ANTXR1: variants seen among roughly 807,000 people sequenced by gnomAD.
ANTXR1 encodes anthrax toxin receptor 1.
Under a neutral mutation model 78.1 loss-of-function variants are expected in ANTXR1, and 19 were observed. The ratio of observed to expected loss-of-function variants is 0.24; its 90% CI spans 0.17 to 0.36. The LOEUF (loss-of-function observed/expected upper bound fraction) is 0.36, where lower values mean the gene tolerates loss of function less well. ANTXR1 is among the 10% of genes least tolerant of loss of function. ANTXR1 has a pLI of 1.00. For synonymous variants in ANTXR1, 273 were observed against 260.5 expected, an observed-to-expected ratio of 1.05 and a Z score of -0.46; for missense variants, 518 against 718.6, an observed-to-expected ratio of 0.72 and a Z score of 3.19.
intron 12 of ANTXR1, among the ~76,000 whole-genome samples, chr2:69,128,123 C>T (rs904667260): frequency 6.6e-6 from 1 of 151,880 alleles, no homozygotes; most frequent in Non-Finnish European, 1.5e-5. Flanking sequence ...ACTTTGGAGG[C>T]TGAGGCAGGA....
chr2:69,076,865 A>G (rs912452213), intron 7 of ANTXR1, among the ~76,000 whole-genome samples: 7 of 152,206 alleles, frequency 4.6e-5, no homozygotes, highest in Non-Finnish European at 8.8e-5. Flanking sequence ...CAAGCCCTAC[A>G]TCGGCTTCTC....
chr2:69,222,771 T>C (rs900227742), intron 17 of ANTXR1, among the ~76,000 whole-genome samples: 1 of 152,316 alleles, frequency 6.6e-6, no homozygotes, highest in Admixed American at 6.5e-5. Flanking sequence ...CAGAGGACTC[T>C]TCTCATTCAC....
intron 9 of ANTXR1, among the ~76,000 whole-genome samples, chr2:69,101,319 C>T (rs1455724645): frequency 1.3e-5 from 2 of 152,212 alleles, no homozygotes; most frequent in African/African-American, 2.4e-5. Context: ...TCCCCCTTTT[C>T]GCATGGTGGT....
Position 69,166,050 on chromosome 2 carries a change from C to G in ANTXR1, c.1048-4198C>G, listed in dbSNP as rs186968453. On this transcript the variant is annotated intron_variant, in intron 13 of 17. Transcript: ENST00000303714. The stretch of plus-strand genomic sequence containing the variant: ...AGGCATGAAACAGGCCCTGAGAACA[C>G]GCAATCTTTCTACTCTATTCGTACT... Among the ~76,000 whole-genome samples, 11 of 152,290 alleles carry G rather than the reference C, an allele frequency of 7.2e-5. No individual in the cohort carries two copies. In the East Asian group the frequency reaches 1.4e-3, roughly 19 times the overall value.
intron 13 of ANTXR1, among the ~76,000 whole-genome samples, chr2:69,160,211 A>G (rs577872653): frequency 1.3e-5 from 2 of 152,164 alleles, no homozygotes; most frequent in Non-Finnish European, 2.9e-5. Context: ...TCTGGAGGGC[A>G]GGTACACCAC....
At chr2:69,191,197 T>C (rs1674535722) in intron 16 of ANTXR1, among the ~76,000 whole-genome samples, 1 of 152,228 alleles carries the variant, frequency 6.6e-6, no homozygotes, top group East Asian at 1.9e-4. Flanking sequence ...TTCAAGGCGT[T>C]TGTAAATTCC....
At chr2:69,205,534 A>G (rs919818058) in intron 17 of ANTXR1, among the ~76,000 whole-genome samples, 1 of 151,938 alleles carries the variant, frequency 6.6e-6, no homozygotes. Flanking sequence ...ATTTTAACCA[A>G]TACTGACTTT....
At chr2:69,160,277 T>C (rs1233626254) in intron 13 of ANTXR1, among the ~76,000 whole-genome samples, 1 of 152,206 alleles carries the variant, frequency 6.6e-6, no homozygotes, top group Non-Finnish European at 1.5e-5. Flanking sequence ...CTTTGTGGGC[T>C]GCCTGATAAC....
At chr2:69,089,325 T>C (rs1489234781) in intron 8 of ANTXR1, among the ~76,000 whole-genome samples, 1 of 152,244 alleles carries the variant, frequency 6.6e-6, no homozygotes, top group East Asian at 1.9e-4. Flanking sequence ...TGTTTGTTCA[T>C]TTTCTTTCGC....
At chr2:69,117,327 C>T (rs985397822) in intron 10 of ANTXR1, among the ~76,000 whole-genome samples, 3 of 152,202 alleles carry the variant, frequency 2.0e-5, no homozygotes, top group African/African-American at 7.2e-5. Context: ...ACAAGTGGTG[C>T]AGCACTAACT....
intron 1 of ANTXR1, among the ~76,000 whole-genome samples, chr2:69,024,007 CAA>C (rs1469381349): frequency 6.6e-6 from 1 of 152,078 alleles, no homozygotes; most frequent in African/African-American, 2.4e-5. Context: ...TTTCTAAGGA[CAA>C]AAGTGTCAAG....
chr2:69,234,599 T>C (rs1675705496), intron 17 of ANTXR1, among the ~76,000 whole-genome samples: 1 of 151,850 alleles, frequency 6.6e-6, no homozygotes, highest in South Asian at 2.1e-4. Context: ...TGAAAACCCA[T>C]CTCTACTAAA....
chr2:69,155,707 T>C (rs1673501931), intron 13 of ANTXR1, among the ~76,000 whole-genome samples: 1 of 151,962 alleles, frequency 6.6e-6, no homozygotes, highest in South Asian at 2.1e-4. Context: ...CACTAAAAAG[T>C]TGTAGAAAAT....
chr2:69,159,001 A>G (rs774921867), intron 13 of ANTXR1, among the ~76,000 whole-genome samples: 8 of 152,208 alleles, frequency 5.3e-5, no homozygotes, highest in Admixed American at 2.0e-4. Context: ...AAATCAAACT[A>G]AAAACCTAAG....
intron 3 of ANTXR1, among the ~76,000 whole-genome samples, chr2:69,060,657 C>T (rs972877800): frequency 2.0e-5 from 3 of 152,156 alleles, no homozygotes; most frequent in African/African-American, 7.2e-5. Flanking sequence ...AGGACATCAA[C>T]TGTGTCTTAT....
intron 6 of ANTXR1, among the ~76,000 whole-genome samples, chr2:69,074,739 G>T (rs1339395122): frequency 2.6e-5 from 4 of 152,164 alleles, no homozygotes; most frequent in Admixed American, 2.6e-4. Flanking sequence ...AAATGGATTT[G>T]AGTACTAAGA....
intron 8 of ANTXR1, among the ~76,000 whole-genome samples, chr2:69,080,784 G>A (rs1670876588): frequency 6.6e-6 from 1 of 152,146 alleles, no homozygotes; most frequent in African/African-American, 2.4e-5. Flanking sequence ...ATGAACTGAA[G>A]GACGTAATGG....
chr2:69,122,214 A>G (rs1672370257), intron 10 of ANTXR1, among the ~76,000 whole-genome samples: 2 of 152,076 alleles, frequency 1.3e-5, no homozygotes, highest in South Asian at 2.1e-4. Flanking sequence ...CATTCCTCCA[A>G]CCAAGAATGT....
chr2:69,145,287 T>A (rs757560717), intron 12 of ANTXR1: 16 of 1,555,492 alleles, frequency 1.0e-5, no homozygotes, highest in Non-Finnish European at 1.4e-5. Flanking sequence ...GTAGCCCTTA[T>A]AATTTTGCAT....
Sources: allele counts gnomAD v4.1 joint callset (sites outside exome capture counted in the v4.1 genomes callset), GRCh38; gene constraint gnomAD v4.1.1; transcripts MANE v1.5; gene names NCBI Gene and HGNC (gene_info 2026-07-23, HGNC 2026-07-21).